FAF1: variants seen among roughly 807,000 people sequenced by gnomAD.
The protein encoded by FAF1 is Fas associated factor 1.
Under a neutral mutation model 92.5 loss-of-function variants are expected in FAF1, and 25 were observed. The observed-to-expected ratio is 0.27, with a 90% confidence interval of 0.20 to 0.38. The LOEUF (loss-of-function observed/expected upper bound fraction) is 0.38, where lower values mean the gene tolerates loss of function less well. Among genes scored for constraint, FAF1 ranks in the 10% least tolerant of loss-of-function variants. The pLI is 1.00. For missense variants in FAF1, 636 were observed against 793.3 expected, an observed-to-expected ratio of 0.80 and a Z score of 2.38; for synonymous variants, 234 against 273.2, an observed-to-expected ratio of 0.86 and a Z score of 1.42.
chr1:50,750,318 T>C (rs1170331799), intron 4 of FAF1, among the ~76,000 whole-genome samples: 1 of 152,194 alleles, frequency 6.6e-6, no homozygotes, highest in Non-Finnish European at 1.5e-5. Context: ...GCAGCATATA[T>C]ACTAAATTTG....
intron 9 of FAF1, among the ~76,000 whole-genome samples, chr1:50,595,842 C>G (rs1473202701): frequency 6.6e-6 from 1 of 152,102 alleles, no homozygotes; most frequent in African/African-American, 2.4e-5. Context: ...TGTGCCCAGC[C>G]TAGAAAGTTC....
Position 50,488,042 on chromosome 1 carries a change from A to G in FAF1, c.1653+2546T>C, listed in dbSNP as rs540869510. On this transcript the variant is annotated intron_variant, in intron 17 of 18. Transcript: ENST00000396153. ...TTAAAAAAGGGGCAAATAAGTTTGG[A>G]TAAGATTGGACTAAATGAAAATAAA... is the stretch of plus-strand genomic sequence containing the variant. 1.2e-3 allele frequency among the ~76,000 whole-genome samples: 189 copies of G among 152,344 alleles called. 3 individuals carry two copies. The highest frequency in any genetic ancestry group is 4.5e-3 in the African/African-American group (188 of 41,588).
At chr1:50,457,499 C>A (rs1056035983) in intron 18 of FAF1, among the ~76,000 whole-genome samples, 1 of 152,022 alleles carries the variant, frequency 6.6e-6, no homozygotes, top group Non-Finnish European at 1.5e-5. Flanking sequence ...AGCGTGTCTG[C>A]GAAAGCAACT....
intron 1 of FAF1, among the ~76,000 whole-genome samples, chr1:50,903,541 T>C (rs1346606382): frequency 1.3e-5 from 2 of 152,146 alleles, no homozygotes; most frequent in Non-Finnish European, 2.9e-5. Context: ...TCACTGTACA[T>C]GCACTAGCAA....
intron 12 of FAF1, among the ~76,000 whole-genome samples, chr1:50,575,627 A>G (rs1650694029): frequency 6.6e-6 from 1 of 152,354 alleles, no homozygotes; most frequent in Admixed American, 6.5e-5. Context: ...AAAAATTAGC[A>G]TTCTAAGTCT....
chr1:50,540,771 T>C (rs536188181), intron 13 of FAF1, among the ~76,000 whole-genome samples: 120 of 152,332 alleles, frequency 7.9e-4, no homozygotes, highest in African/African-American at 2.8e-3. Flanking sequence ...AATGCAAATA[T>C]AGAATGCTTT....
At chr1:50,872,064 CAAA>C (rs200142842) in intron 1 of FAF1, among the ~76,000 whole-genome samples, 33 of 65,538 alleles carry the variant, frequency 5.0e-4, no homozygotes, top group African/African-American at 1.4e-3. Context: ...GACTCCATCT[CAAA>C]AAAAAAAAAA....
chr1:50,832,704 C>T (rs1405456844), intron 2 of FAF1, among the ~76,000 whole-genome samples: 3 of 152,088 alleles, frequency 2.0e-5, no homozygotes, highest in African/African-American at 7.2e-5. Context: ...ACCTCTTTTC[C>T]CTGTCTTTAT....
chr1:50,868,163 T>C (rs187210045), intron 1 of FAF1, among the ~76,000 whole-genome samples: 3 of 152,118 alleles, frequency 2.0e-5, no homozygotes, highest in Non-Finnish European at 4.4e-5. Context: ...ACAAGGGACT[T>C]TGGGGACTTG....
At chr1:50,659,998 A>T (rs1248112094) in intron 7 of FAF1, among the ~76,000 whole-genome samples, 2 of 152,162 alleles carry the variant, frequency 1.3e-5, no homozygotes, top group Non-Finnish European at 2.9e-5. Flanking sequence ...AATAATCTCT[A>T]CTTCAAACTT....
chr1:50,575,548 T>C (rs1465968351), intron 12 of FAF1, among the ~76,000 whole-genome samples: 1 of 152,222 alleles, frequency 6.6e-6, no homozygotes, highest in African/African-American at 2.4e-5. Flanking sequence ...CTACTTAAAA[T>C]GCATCTGTAT....
At chr1:50,849,074 T>C (rs1037256327) in intron 2 of FAF1, among the ~76,000 whole-genome samples, 2 of 151,944 alleles carry the variant, frequency 1.3e-5, no homozygotes, top group African/African-American at 2.4e-5. Context: ...CTGGCCAATA[T>C]GGTGAAACCC....
chr1:50,715,093 C>T, intron 6 of FAF1: 1 of 371,962 alleles, frequency 2.7e-6, no homozygotes, highest in South Asian at 2.1e-5. Flanking sequence ...ACTATTAAAA[C>T]TAACAGTTCT....
chr1:50,535,513 A>AT, intron 14 of FAF1, 56 bp from the exon 15 acceptor site: 1 of 981,044 alleles, frequency 1.0e-6, no homozygotes, highest in African/African-American at 1.6e-5. Context: ...ATAACTTCAA[A>AT]TTATTAAAGT....
At chr1:50,551,770 T>C (rs1157220688) in intron 13 of FAF1, among the ~76,000 whole-genome samples, 3 of 152,214 alleles carry the variant, frequency 2.0e-5, no homozygotes, top group East Asian at 3.8e-4. Context: ...AGACAATTCA[T>C]TTGTCATCAG....
At chr1:50,498,686 C>G (rs1646939115) in intron 15 of FAF1, among the ~76,000 whole-genome samples, 1 of 152,000 alleles carries the variant, frequency 6.6e-6, no homozygotes, top group South Asian at 2.1e-4. Context: ...CCCATCTCCA[C>G]TAAAAATACA....
At chr1:50,552,297 C>CA (rs766349774) in intron 13 of FAF1, among the ~76,000 whole-genome samples, 7,956 of 84,632 alleles carry the variant, frequency 0.094, 517 homozygotes, top group African/African-American at 0.24. Context: ...ACTCTGTTTC[C>CA]AAAAAAAAAA....
Position 50,907,239 on chromosome 1 carries a change from C to T in FAF1, c.46-49242G>A, listed in dbSNP as rs12083885. ...ATCCTACGGATGAAGACAACTTGATCGTGGTGTATAAACTTTTTGATGTGC... is the reference window on the plus strand; with the variant it reads ...ATCCTACGGATGAAGACAACTTGATTGTGGTGTATAAACTTTTTGATGTGC... On this transcript the variant is annotated intron_variant, in intron 1 of 18. Transcript: ENST00000396153. Among the ~76,000 whole-genome samples the T allele has an allele frequency of 2.5e-3, 377 of 152,278 alleles. 3 individuals carry two copies. The highest frequency in any genetic ancestry group is 8.6e-3 in the African/African-American group (357 of 41,564).
At chr1:50,762,497 G>A (rs1286821062) in intron 4 of FAF1, among the ~76,000 whole-genome samples, 1 of 151,666 alleles carries the variant, frequency 6.6e-6, no homozygotes, top group African/African-American at 2.4e-5. Context: ...CAGAGATATA[G>A]ATCAATGGAA....
Sources: gnomAD v4.1 joint callset for allele counts (sites outside exome capture counted in the v4.1 genomes callset) on GRCh38, gnomAD v4.1.1 for gene constraint, MANE v1.5 for transcripts, NCBI Gene and HGNC (gene_info 2026-07-23, HGNC 2026-07-21) for gene names.